Variants in PXDNL observed in about 807,000 individuals in gnomAD.
PXDNL encodes peroxidasin like, also known as probable oxidoreductase PXDNL.
Under a neutral mutation model 150.8 loss-of-function variants are expected in PXDNL, and 145 were observed. The observed-to-expected ratio is 0.96, with a 90% CI of 0.84 to 1.10. PXDNL has a LOEUF of 1.10. Among genes scored for constraint, PXDNL ranks in the 50% least tolerant of loss-of-function variants. PXDNL has a pLI of 0.00. For synonymous variants in PXDNL, 757 were observed against 725.7 expected (o/e 1.04, Z -0.69); for missense variants, 2,087 against 1,873.9 (o/e 1.11, Z -2.10).
chr8:51,700,299 A>G (rs1178090676), intron 1 of PXDNL, among the ~76,000 whole-genome samples: 2 of 152,086 alleles, frequency 1.3e-5, no homozygotes, highest in African/African-American at 4.8e-5. Context: ...ACACATGTAC[A>G]CATGTATACA....
chr8:51,536,828 T>G (rs539388583), intron 4 of PXDNL, among the ~76,000 whole-genome samples: 1 of 152,266 alleles, frequency 6.6e-6, no homozygotes, highest in South Asian at 2.1e-4. Flanking sequence ...AGAAAGTGAT[T>G]TTTGCAACAA....
chr8:51,415,652 C>T (rs1034758574), intron 14 of PXDNL, among the ~76,000 whole-genome samples: 1 of 152,044 alleles, frequency 6.6e-6, no homozygotes, highest in Non-Finnish European at 1.5e-5. Context: ...GGATGTTCAA[C>T]GTGGAATGTC....
rs1308366061 is a variant in PXDNL, at chr8:51,709,407, A to G, written c.165-54647T>C. ...GTAGCTGGGACTACAGGTGCCGGCC[A>G]CCACGCCCGGCTAATTTTTTTTATT... On this transcript the variant is annotated intron_variant, in intron 1 of 22. Transcript: ENST00000356297. 2.6e-5 allele frequency among the ~76,000 whole-genome samples: 4 copies of G among 152,108 alleles called. No homozygotes were observed. In the East Asian group the frequency reaches 7.8e-4, roughly 30 times the overall value.
chr8:51,439,404 A>T (rs1270568175), intron 12 of PXDNL, among the ~76,000 whole-genome samples: 1 of 152,176 alleles, frequency 6.6e-6, no homozygotes, highest in East Asian at 1.9e-4. Flanking sequence ...GAATGGCCAT[A>T]ATCAAAAAAA....
chr8:51,335,405 A>G (rs1230149579), intron 21 of PXDNL, among the ~76,000 whole-genome samples: 1 of 152,126 alleles, frequency 6.6e-6, no homozygotes, highest in Non-Finnish European at 1.5e-5. Flanking sequence ...GCAGATGCAT[A>G]AAGGAGGGCT....
At chr8:51,466,731 G>A (rs1594498) in intron 8 of PXDNL, among the ~76,000 whole-genome samples, 42,519 of 151,888 alleles carry the variant, frequency 0.28, 7,947 homozygotes, top group African/African-American at 0.53. Context: ...ATAAGCAGGC[G>A]AACTACAAGA....
chr8:51,394,620 T>C (rs1808021790), intron 17 of PXDNL, among the ~76,000 whole-genome samples: 1 of 152,186 alleles, frequency 6.6e-6, no homozygotes, highest in African/African-American at 2.4e-5. Context: ...TAGTGGGACA[T>C]AGGGAATGTT....
chr8:51,654,465 T>C (rs554897546), intron 2 of PXDNL, among the ~76,000 whole-genome samples: 2 of 150,992 alleles, frequency 1.3e-5, no homozygotes, highest in Non-Finnish European at 2.9e-5. Flanking sequence ...TCTAAACCAA[T>C]AGAATACAAA....
chr8:51,718,530 C>T (rs890901984), intron 1 of PXDNL, among the ~76,000 whole-genome samples: 4 of 152,226 alleles, frequency 2.6e-5, no homozygotes, highest in Admixed American at 1.3e-4. Flanking sequence ...AACCGTGGCT[C>T]GAACTTCATA....
At chr8:51,494,021 A>AGCCAG (rs1810973146) in intron 5 of PXDNL, among the ~76,000 whole-genome samples, 1 of 152,250 alleles carries the variant, frequency 6.6e-6, no homozygotes, top group African/African-American at 2.4e-5. Context: ...TGTTAAGGGC[A>AGCCAG]GCCAGAGAGA....
intron 12 of PXDNL, among the ~76,000 whole-genome samples, chr8:51,443,686 C>T (rs1219496950): frequency 6.6e-6 from 1 of 152,146 alleles, no homozygotes; most frequent in Non-Finnish European, 1.5e-5. Flanking sequence ...AGTAGAGTAG[C>T]ATTGTTTTAC....
chr8:51,505,501 A>G (rs1019804298), intron 4 of PXDNL, among the ~76,000 whole-genome samples: 2 of 152,214 alleles, frequency 1.3e-5, no homozygotes, highest in South Asian at 2.1e-4. Flanking sequence ...AAAATAGCAT[A>G]TACGGTCAAT....
At chr8:51,706,399 T>C (rs1310736599) in intron 1 of PXDNL, among the ~76,000 whole-genome samples, 3 of 152,146 alleles carry the variant, frequency 2.0e-5, no homozygotes, top group Non-Finnish European at 4.4e-5. Context: ...AATGCATAGT[T>C]AAAATACTGG....
chr8:51,441,925 G>T (rs1809561257), intron 12 of PXDNL, among the ~76,000 whole-genome samples: 1 of 152,070 alleles, frequency 6.6e-6, no homozygotes, highest in Non-Finnish European at 1.5e-5. Context: ...CATGAAGCCT[G>T]GGGGCTGGCC....
intron 15 of PXDNL, among the ~76,000 whole-genome samples, chr8:51,412,900 G>GT (rs1157942104): frequency 6.6e-6 from 1 of 152,188 alleles, no homozygotes; most frequent in Non-Finnish European, 1.5e-5. Flanking sequence ...CCATTGCCTA[G>GT]TGTCTATTGT....
At chr8:51,793,337 G>A (rs1279025618) in intron 1 of PXDNL, among the ~76,000 whole-genome samples, 3 of 152,156 alleles carry the variant, frequency 2.0e-5, no homozygotes, top group Non-Finnish European at 2.9e-5. Flanking sequence ...AAGGTCAGCA[G>A]CCTCAAAGAT....
chr8:51,435,976 C>G, intron 12 of PXDNL: 1 of 514,928 alleles, frequency 1.9e-6, no homozygotes, highest in Middle Eastern at 4.5e-4. Context: ...AAGAAAAAAA[C>G]AGGATCTCTT....
chr8:51,535,906 C>T (rs992074075), intron 4 of PXDNL, among the ~76,000 whole-genome samples: 2 of 152,188 alleles, frequency 1.3e-5, no homozygotes, highest in African/African-American at 4.8e-5. Context: ...GCCCCCCTCC[C>T]TGCATTCGCT....
intron 1 of PXDNL, among the ~76,000 whole-genome samples, chr8:51,696,831 A>AGGTC (rs1563510387): frequency 6.7e-6 from 1 of 149,586 alleles, no homozygotes; most frequent in Non-Finnish European, 1.5e-5. Flanking sequence ...ACACACACAC[A>AGGTC]CACACACAGG....
Sources: allele counts gnomAD v4.1 joint callset (sites outside exome capture counted in the v4.1 genomes callset), GRCh38; gene constraint gnomAD v4.1.1; transcripts MANE v1.5; gene names NCBI Gene and HGNC (gene_info 2026-07-23, HGNC 2026-07-21).